The following GALNT18 variants were observed in gnomAD, a reference collection of about 807,000 sequenced individuals.
GALNT18 encodes GalNAc-transferase 18.
A neutral mutation model predicts 69.5 loss-of-function variants in GALNT18; 44 were observed. The ratio of observed to expected loss-of-function variants is 0.63; its 90% confidence interval spans 0.50 to 0.81. GALNT18 has a LOEUF of 0.81. Ranked by LOEUF, GALNT18 falls within the 40% of genes least tolerant of loss-of-function variation. GALNT18 has a pLI of 0.00. For missense variants in GALNT18, 715 were observed against 810.0 expected, an observed-to-expected ratio of 0.88 and a Z score of 1.42; for synonymous variants, 364 against 318.2, an observed-to-expected ratio of 1.14 and a Z score of -1.53.
At chr11:11,474,088 C>A (rs1436773629) in intron 1 of GALNT18, among the ~76,000 whole-genome samples, 1 of 152,004 alleles carries the variant, frequency 6.6e-6, no homozygotes, top group Non-Finnish European at 1.5e-5. Context: ...AACAACAAAA[C>A]CGATGTTAAT....
rs987547903 is a variant in GALNT18, at chr11:11,613,985, C to A, written c.235+7374G>T. ...CTGTGTAACATCACCTCCAGCTGTA[C>A]TGCTTGGCAATGTGCTTCTCCACAG... On this transcript the variant is annotated intron_variant, in intron 1 of 10. Coordinates refer to ENST00000227756, the MANE Select transcript of GALNT18 (RefSeq NM_198516.3). The surrounding 1 kb of genome is among the most constrained non-coding windows in gnomAD (Gnocchi z 4.2). Among the ~76,000 whole-genome samples the A allele has an allele frequency of 6.6e-6, 1 of 152,176 alleles. No individual in the cohort carries two copies. The highest frequency in any genetic ancestry group is 1.5e-5 in the Non-Finnish European group (1 of 68,032).
chr11:11,288,746 A>G (rs10741540), intron 10 of GALNT18, among the ~76,000 whole-genome samples: 72,572 of 152,126 alleles, frequency 0.48, 20,125 homozygotes, highest in Non-Finnish European at 0.6. Context: ...AGCCTGAAGT[A>G]TTGGAAATTC....
chr11:11,454,477 G>A lies in GALNT18; in HGVS notation c.236-5541C>T, dbSNP rs1481482067. On this transcript the variant is annotated intron_variant, in intron 1 of 10. Transcript: ENST00000227756. The surrounding 1 kb of genome is among the most constrained non-coding windows in gnomAD (Gnocchi z 4.2). ...GAGAAGGAAGATAAGGAGGGAGGCA[G>A]GGAGAGAAGGAGGCTGTGTCTTCTT... Among the ~76,000 whole-genome samples, 2 of 152,078 alleles carry A rather than the reference G, an allele frequency of 1.3e-5. No individual in the cohort carries two copies. The highest frequency in any genetic ancestry group is 1.5e-5 in the Non-Finnish European group (1 of 68,018).
Position 11,542,075 on chromosome 11 carries a change from C to T in GALNT18, c.235+79284G>A, listed in dbSNP as rs1857941682. ...TTGCTGGGAACGCAGAGGGAAACTGCCCAGTGAGGAGGCTGCAGAGGGTTC... is the reference window on the plus strand; with the variant it reads ...TTGCTGGGAACGCAGAGGGAAACTGTCCAGTGAGGAGGCTGCAGAGGGTTC... On this transcript the variant is annotated intron_variant, in intron 1 of 10. Transcript: ENST00000227756. The surrounding 1 kb of genome is among the most constrained non-coding windows in gnomAD (Gnocchi z 4.3). Among the ~76,000 whole-genome samples, 1 of 152,164 alleles carries T rather than the reference C, an allele frequency of 6.6e-6. No homozygotes were observed. The highest frequency in any genetic ancestry group is 2.1e-4 in the South Asian group (1 of 4,814).
chr11:11,352,663 T>A (rs755836776), intron 6 of GALNT18: 1 of 1,614,220 alleles, frequency 6.2e-7, no homozygotes, highest in Non-Finnish European at 8.5e-7. Flanking sequence ...TCTCTGTGCA[T>A]AATTCCCATG....
At chr11:11,296,052 G>C (rs909412542) in intron 9 of GALNT18, among the ~76,000 whole-genome samples, 6 of 152,086 alleles carry the variant, frequency 3.9e-5, no homozygotes, top group African/African-American at 1.4e-4. Flanking sequence ...TGGTAGGATG[G>C]AGAAAATTAA....
chr11:11,552,044 G>T (rs1416588296), intron 1 of GALNT18, among the ~76,000 whole-genome samples: 1 of 152,186 alleles, frequency 6.6e-6, no homozygotes, highest in African/African-American at 2.4e-5. Flanking sequence ...ATCTTCAGTT[G>T]CTTCAGGCCA....
chr11:11,352,265 G>C, intron 6 of GALNT18: 1 of 1,614,094 alleles, frequency 6.2e-7, no homozygotes, highest in Non-Finnish European at 8.5e-7. Flanking sequence ...TTTCACTGTG[G>C]ACAAAGCGTT....
intron 10 of GALNT18, among the ~76,000 whole-genome samples, chr11:11,288,715 T>C (rs1205872696): frequency 6.6e-6 from 1 of 152,238 alleles, no homozygotes; most frequent in Non-Finnish European, 1.5e-5. Flanking sequence ...TCAGTGTCAG[T>C]ATCTAACGCT....
chr11:11,548,505 C>T (rs1858117140), intron 1 of GALNT18, among the ~76,000 whole-genome samples: 1 of 152,254 alleles, frequency 6.6e-6, no homozygotes, highest in South Asian at 2.1e-4. Context: ...GGAACCTCTG[C>T]ATGGCCTCCA....
At position 11,583,626 on chromosome 11, in the gene GALNT18, G is replaced by T. The variant is rs1250131799; in HGVS notation, c.235+37733C>A. ...CCAAATGTAGGACATCCAAAGACCAGAGGTCCCATGAGACGCCACTTCTTC... is the reference window on the plus strand; with the variant it reads ...CCAAATGTAGGACATCCAAAGACCATAGGTCCCATGAGACGCCACTTCTTC... On this transcript the variant is annotated intron_variant, in intron 1 of 10. Transcript: ENST00000227756. This position sits in a 1 kb window ranked among gnomAD's most constrained non-coding sequence, Gnocchi z 4.7. Among the ~76,000 whole-genome samples, 1 of 152,146 alleles carries T rather than the reference G, an allele frequency of 6.6e-6. No individual in the cohort carries two copies. Among genetic ancestry groups the T allele is most frequent in the Non-Finnish European group, 1.5e-5 (1 of 68,032 alleles).
At chr11:11,471,385 T>G (rs1465859734) in intron 1 of GALNT18, among the ~76,000 whole-genome samples, 1 of 152,238 alleles carries the variant, frequency 6.6e-6, no homozygotes, top group Non-Finnish European at 1.5e-5. Context: ...CAGTGAGTCA[T>G]GTAGGACTGG....
chr11:11,588,807 G>A (rs1663744710), intron 1 of GALNT18, among the ~76,000 whole-genome samples: 1 of 152,204 alleles, frequency 6.6e-6, no homozygotes, highest in Non-Finnish European at 1.5e-5. Flanking sequence ...GATGAGAACA[G>A]ATGTTATTTG....
At chr11:11,536,232 T>C (rs1332251976) in intron 1 of GALNT18, among the ~76,000 whole-genome samples, 2 of 152,212 alleles carry the variant, frequency 1.3e-5, no homozygotes, top group Admixed American at 6.5e-5. Context: ...AGGCACTTTG[T>C]ATACATTTCC....
intron 1 of GALNT18, among the ~76,000 whole-genome samples, chr11:11,458,740 G>A (rs1855976143): frequency 6.6e-6 from 1 of 152,234 alleles, no homozygotes; most frequent in South Asian, 2.1e-4. Context: ...CCTTCAGCTT[G>A]CCATCTGCTG....
intron 1 of GALNT18, among the ~76,000 whole-genome samples, chr11:11,464,496 G>A (rs1363662946): frequency 6.6e-6 from 1 of 152,184 alleles, no homozygotes; most frequent in African/African-American, 2.4e-5. Context: ...CAGATCTAAT[G>A]CCATTTCCTC....
chr11:11,574,548 C>T (rs1195103737), intron 1 of GALNT18, among the ~76,000 whole-genome samples: 1 of 152,232 alleles, frequency 6.6e-6, no homozygotes, highest in Non-Finnish European at 1.5e-5. Flanking sequence ...GGGCTTTCAT[C>T]CACTTAAAGG....
rs529389528 is a variant in GALNT18 at position 11,404,982 on chromosome 11, G to A, written c.596-25718C>T. On this transcript the variant is annotated intron_variant, in intron 3 of 10. Transcript: ENST00000227756. This position sits in a 1 kb window ranked among gnomAD's most constrained non-coding sequence, Gnocchi z 4.5. The stretch of plus-strand genomic sequence containing the variant: ...GGGGAACAGATGAAGCAACAGAGCT[G>A]CTTTGCTGTGCTCTGTGTTTCTCCT... Among the ~76,000 whole-genome samples the A allele has an allele frequency of 6.6e-6, 1 of 152,198 alleles. No homozygotes were observed. The highest frequency in any genetic ancestry group is 1.5e-5 in the Non-Finnish European group (1 of 68,036).
intron 1 of GALNT18, among the ~76,000 whole-genome samples, chr11:11,449,931 G>C (rs1468336172): frequency 6.6e-6 from 1 of 152,242 alleles, no homozygotes; most frequent in African/African-American, 2.4e-5. Flanking sequence ...TATAGCAAGG[G>C]AAGGTTATTG....
Sources: gnomAD v4.1 joint callset for allele counts (sites outside exome capture counted in the v4.1 genomes callset) on GRCh38, gnomAD v4.1.1 for gene constraint, Gnocchi (gnomAD v3.1) non-coding constraint, MANE v1.5 for transcripts, NCBI Gene and HGNC (gene_info 2026-07-23, HGNC 2026-07-21) for gene names.